The following KAZN variants were observed in gnomAD, a reference collection of about 807,000 sequenced individuals.
KAZN encodes kazrin.
In KAZN, 40 loss-of-function variants were observed where a neutral mutation model predicts 87.4. That is an observed-to-expected ratio of 0.46 (90% CI 0.36 to 0.60). The LOEUF is 0.60. Among genes scored for constraint, KAZN ranks in the 20% least tolerant of loss-of-function variants. The pLI, the probability that KAZN is intolerant of heterozygous loss-of-function variation, is 0.00. For missense variants in KAZN, 898 were observed against 1,073.9 expected (o/e 0.84, Z 2.29); for synonymous variants, 466 against 458.3 (o/e 1.02, Z -0.22).
intron 1 of KAZN, among the ~76,000 whole-genome samples, chr1:14,699,528 G>A (rs140594299): frequency 3.3e-4 from 51 of 152,312 alleles, no homozygotes; most frequent in Middle Eastern, 3.4e-3. Flanking sequence ...CATACCATCC[G>A]AAGACTTAGC....
intron 2 of KAZN, among the ~76,000 whole-genome samples, chr1:14,983,519 T>TC (rs1557685173): frequency 2.9e-5 from 4 of 139,790 alleles, no homozygotes; most frequent in African/African-American, 5.5e-5. Flanking sequence ...GTGACCCCTG[T>TC]GGGGGGAGCA....
intron 2 of KAZN, among the ~76,000 whole-genome samples, chr1:14,402,012 G>C (rs1663450881): frequency 6.6e-6 from 1 of 150,874 alleles, no homozygotes; most frequent in South Asian, 2.1e-4. Flanking sequence ...TATAATACAA[G>C]TAAAAGAAAT....
In KAZN at chr1:14,670,926, C is replaced by T. The variant is rs187268026; in HGVS notation, c.226+71703C>T. 2.6e-5 allele frequency among the ~76,000 whole-genome samples: 4 copies of T among 152,248 alleles called. No homozygotes were observed. In the East Asian group the frequency reaches 5.8e-4, roughly 22 times the overall value. On this transcript the variant is annotated intron_variant, in intron 1 of 14. Transcript: ENST00000376030. ...TGTCTGAAAACATTTTTAGTAATCA[C>T]GGCTGGAGGGTGGGGAAAATTCTAC...
intron 1 of KAZN, among the ~76,000 whole-genome samples, chr1:14,731,615 C>G (rs1444618096): frequency 2.6e-5 from 4 of 152,190 alleles, no homozygotes. Flanking sequence ...TCTTTGCAGG[C>G]CACATATGGT....
chr1:14,009,767 T>A (rs1392050446), intron 1 of KAZN, among the ~76,000 whole-genome samples: 1 of 152,212 alleles, frequency 6.6e-6, no homozygotes, highest in Non-Finnish European at 1.5e-5. Flanking sequence ...ATAAGCATTA[T>A]GTCTTCTGCC....
chr1:14,141,841 T>C (rs1032820954), intron 1 of KAZN, among the ~76,000 whole-genome samples: 7 of 152,206 alleles, frequency 4.6e-5, no homozygotes, highest in African/African-American at 1.7e-4. Flanking sequence ...GTGTTTTTGT[T>C]TGTTATTACT....
chr1:13,977,522 CAAAGAG>C (rs1298505109), intron 1 of KAZN, among the ~76,000 whole-genome samples: 1 of 152,080 alleles, frequency 6.6e-6, no homozygotes, highest in East Asian at 1.9e-4. Flanking sequence ...TCCCTGAAGA[CAAAGAG>C]AAACCAAATG....
At chr1:14,662,510 AG>A (rs1237058106) in intron 1 of KAZN, among the ~76,000 whole-genome samples, 2 of 152,158 alleles carry the variant, frequency 1.3e-5, no homozygotes. Flanking sequence ...ATCAGGTCCC[AG>A]GCACCATTCC....
chr1:14,645,257 T>G (rs1373036356), intron 1 of KAZN, among the ~76,000 whole-genome samples: 1 of 152,232 alleles, frequency 6.6e-6, no homozygotes, highest in Non-Finnish European at 1.5e-5. Flanking sequence ...TTTGTTCTTT[T>G]TGCTTGAAGT....
chr1:14,991,247 G>A (rs1014355667), intron 2 of KAZN, among the ~76,000 whole-genome samples: 11 of 151,942 alleles, frequency 7.2e-5, no homozygotes, highest in Admixed American at 2.6e-4. Context: ...CCAGATACTC[G>A]GGGAGGCTGA....
chr1:15,063,353 G>A, intron 6 of KAZN: 2 of 583,796 alleles, frequency 3.4e-6, no homozygotes, highest in Non-Finnish European at 6.2e-6. Flanking sequence ...CTGGGCAGGA[G>A]AGGACCCCAG....
At chr1:14,273,175 T>A (rs1217237955) in intron 2 of KAZN, among the ~76,000 whole-genome samples, 1 of 152,076 alleles carries the variant, frequency 6.6e-6, no homozygotes, top group East Asian at 1.9e-4. Context: ...GTTGGCTTAT[T>A]TGTGTTGTTG....
At chr1:14,959,368 T>G (rs1417063869) in intron 1 of KAZN, among the ~76,000 whole-genome samples, 1 of 152,176 alleles carries the variant, frequency 6.6e-6, no homozygotes, top group African/African-American at 2.4e-5. Flanking sequence ...ACAAAGGCCC[T>G]ATGCTGGAAA....
intron 2 of KAZN, among the ~76,000 whole-genome samples, chr1:15,007,056 CAAAAAAAAAA>C (rs35245453): frequency 5.9e-5 from 4 of 67,902 alleles, no homozygotes; most frequent in African/African-American, 1.2e-4. Context: ...GACTCCGTCT[CAAAAAAAAAA>C]AAAAAAAAAA....
intron 1 of KAZN, among the ~76,000 whole-genome samples, chr1:14,845,911 C>A (rs143818516): frequency 1.3e-5 from 2 of 152,072 alleles, no homozygotes; most frequent in African/African-American, 4.8e-5. Context: ...TCCTAGACTG[C>A]GTGCAACCTA....
At chr1:15,063,674 T>A in intron 7 of KAZN, 52 bp downstream of exon 7, 1 of 1,415,606 alleles carries the variant, frequency 7.1e-7, no homozygotes, top group Non-Finnish European at 1.0e-6. Context: ...CCACCTTGAC[T>A]ACAACTTCAC....
intron 2 of KAZN, among the ~76,000 whole-genome samples, chr1:14,519,166 TAAAA>T (rs780325374): frequency 3.9e-5 from 6 of 152,006 alleles, no homozygotes; most frequent in Non-Finnish European, 8.8e-5. Context: ...ATTTAAATAA[TAAAA>T]ACAAAAAGTT....
rs1012898460 is a variant in KAZN at position 14,752,224 on chromosome 1, T to A, written c.226+153001T>A. On this transcript the variant is annotated intron_variant, in intron 1 of 14. Coordinates refer to ENST00000376030, the MANE Select transcript of KAZN (RefSeq NM_201628.3). Reference sequence around the variant, plus strand: ...TCTTCCATTAGGCCCACCTCTAATATTAGGGATCCAACTTTAACATGAGGT... The same window carrying A: ...TCTTCCATTAGGCCCACCTCTAATAATAGGGATCCAACTTTAACATGAGGT... Among the ~76,000 whole-genome samples the A allele has an allele frequency of 6.6e-5, 10 of 152,180 alleles. No homozygotes were observed. The South Asian group carries it at 2.1e-3, about 32-fold the overall frequency.
At chr1:13,942,636 G>T (rs12078499) in intron 1 of KAZN, among the ~76,000 whole-genome samples, 1 of 150,336 alleles carries the variant, frequency 6.7e-6, no homozygotes, top group Non-Finnish European at 1.5e-5. Context: ...CAATCTCTGG[G>T]ATTGAATAAA....
Sources: allele counts gnomAD v4.1 joint callset (sites outside exome capture counted in the v4.1 genomes callset), GRCh38; gene constraint gnomAD v4.1.1; transcripts MANE v1.5; gene names NCBI Gene and HGNC (gene_info 2026-07-23, HGNC 2026-07-21).